PTPRK: variants seen among roughly 807,000 people sequenced by gnomAD.
The protein encoded by PTPRK is receptor-type tyrosine-protein phosphatase kappa.
In PTPRK, 75 loss-of-function variants were observed where a neutral mutation model predicts 178.0. The ratio of observed to expected loss-of-function variants is 0.42; its 90% confidence interval spans 0.35 to 0.51. The LOEUF is 0.51. Ranked by LOEUF, PTPRK falls within the 20% of genes least tolerant of loss-of-function variation. PTPRK has a pLI of 0.02. For synonymous variants in PTPRK, 637 were observed against 620.6 expected, an observed-to-expected ratio of 1.03 and a Z score of -0.39; for missense variants, 1,441 against 1,797.8, an observed-to-expected ratio of 0.80 and a Z score of 3.59.
At chr6:128,275,599 C>A (rs1007513714) in intron 3 of PTPRK, among the ~76,000 whole-genome samples, 1 of 151,904 alleles carries the variant, frequency 6.6e-6, no homozygotes, top group African/African-American at 2.4e-5. Context: ...AAACACTGAA[C>A]CAGGTGTTAA....
intron 2 of PTPRK, among the ~76,000 whole-genome samples, chr6:128,368,890 T>C (rs993615550): frequency 7.9e-5 from 12 of 151,912 alleles, no homozygotes; most frequent in Admixed American, 1.3e-4. Flanking sequence ...TCAGAGGCTA[T>C]AGAAGAATAA....
In PTPRK at chr6:128,048,823, C is replaced by T. The variant is rs141262061; in HGVS notation, c.2194+15935G>A. On this transcript the variant is annotated intron_variant, in intron 13 of 29. Coordinates refer to ENST00000368226, the MANE Select transcript of PTPRK (RefSeq NM_002844.4). ...ACTGATTTTGGTATCCTCGGGGTCC[C>T]GGGACCAGTCCTCCTTGGATACTAA... 2.7e-4 allele frequency among the ~76,000 whole-genome samples: 41 copies of T among 152,186 alleles called. No homozygotes were observed. In the East Asian group the frequency reaches 6.9e-3, roughly 26 times the overall value.
At chr6:128,450,330 A>AC (rs1847626839) in intron 1 of PTPRK, among the ~76,000 whole-genome samples, 1 of 152,198 alleles carries the variant, frequency 6.6e-6, no homozygotes, top group Non-Finnish European at 1.5e-5. Context: ...ATTAAAAACA[A>AC]ATTATCTTCT....
chr6:128,193,095 C>T (rs1804132204), intron 6 of PTPRK, among the ~76,000 whole-genome samples: 1 of 151,852 alleles, frequency 6.6e-6, no homozygotes, highest in African/African-American at 2.4e-5. Flanking sequence ...ACATTAAGCC[C>T]TTAAAAAGTA....
intron 1 of PTPRK, among the ~76,000 whole-genome samples, chr6:128,407,457 C>T (rs953019362): frequency 6.6e-6 from 1 of 151,502 alleles, no homozygotes; most frequent in South Asian, 2.1e-4. Flanking sequence ...GGCAACAAAG[C>T]GAGATCCCCA....
At chr6:128,492,526 T>G (rs1853968803) in intron 1 of PTPRK, among the ~76,000 whole-genome samples, 1 of 148,622 alleles carries the variant, frequency 6.7e-6, no homozygotes, top group Non-Finnish European at 1.5e-5. Flanking sequence ...TGAAACTTAT[T>G]TGTCTTTTAT....
At chr6:128,017,423 G>A (rs1036987291) in intron 13 of PTPRK, among the ~76,000 whole-genome samples, 2 of 151,690 alleles carry the variant, frequency 1.3e-5, no homozygotes, top group Admixed American at 6.6e-5. Flanking sequence ...TTGATTGTGA[G>A]TTAATTGCTT....
chr6:128,505,428 C>T (rs1280395224), intron 1 of PTPRK, among the ~76,000 whole-genome samples: 3 of 151,380 alleles, frequency 2.0e-5, no homozygotes, highest in Admixed American at 6.6e-5. Flanking sequence ...GCAACAAGAG[C>T]GAAACTCTGT....
intron 14 of PTPRK, chr6:128,005,978 T>A (rs566024963): frequency 1.4e-6 from 2 of 1,414,078 alleles, no homozygotes; most frequent in Non-Finnish European, 1.9e-6. Context: ...AAAGGGATAC[T>A]GCATCCTTAA....
At chr6:128,208,456 A>G (rs975855333) in intron 6 of PTPRK, among the ~76,000 whole-genome samples, 5 of 152,194 alleles carry the variant, frequency 3.3e-5, no homozygotes, top group African/African-American at 1.2e-4. Context: ...AAAGTTTTAC[A>G]AAGAAGAGGA....
intron 1 of PTPRK, among the ~76,000 whole-genome samples, chr6:128,417,852 T>C (rs912905020): frequency 6.6e-6 from 1 of 152,178 alleles, no homozygotes; most frequent in Non-Finnish European, 1.5e-5. Flanking sequence ...AACGTGGTCC[T>C]TTTCGTGTCT....
intron 2 of PTPRK, among the ~76,000 whole-genome samples, chr6:128,391,704 G>T (rs1355681902): frequency 1.3e-5 from 2 of 152,104 alleles, no homozygotes; most frequent in East Asian, 3.9e-4. Flanking sequence ...TTCCCAGAGA[G>T]AAAGAAAGCC....
intron 7 of PTPRK, among the ~76,000 whole-genome samples, chr6:128,103,036 C>T (rs1789049491): frequency 6.6e-6 from 1 of 152,166 alleles, no homozygotes; most frequent in Admixed American, 6.5e-5. Flanking sequence ...GCCTGCCATG[C>T]TGCCCTATCC....
intron 5 of PTPRK, among the ~76,000 whole-genome samples, chr6:128,229,567 G>C (rs1300496566): frequency 1.3e-5 from 2 of 152,190 alleles, no homozygotes; most frequent in Non-Finnish European, 2.9e-5. Flanking sequence ...AAAAATGACT[G>C]ATCTCACATC....
At chr6:128,053,805 T>C (rs1779456287) in intron 13 of PTPRK, among the ~76,000 whole-genome samples, 1 of 152,186 alleles carries the variant, frequency 6.6e-6, no homozygotes, top group Admixed American at 6.5e-5. Context: ...CCACTGCTGC[T>C]GCTTTCATCT....
chr6:128,398,328 A>C (rs1056462073), intron 1 of PTPRK, among the ~76,000 whole-genome samples: 4 of 152,142 alleles, frequency 2.6e-5, no homozygotes, highest in Admixed American at 6.6e-5. Flanking sequence ...GAAAACAAGG[A>C]AGTTTGCAAA....
At chr6:128,266,068 G>T (rs1818898935) in intron 3 of PTPRK, among the ~76,000 whole-genome samples, 1 of 152,134 alleles carries the variant, frequency 6.6e-6, no homozygotes, top group Non-Finnish European at 1.5e-5. Context: ...CTCCAGGACA[G>T]TGAGAAATCA....
intron 2 of PTPRK, among the ~76,000 whole-genome samples, chr6:128,353,475 A>G (rs1833472692): frequency 6.6e-6 from 1 of 152,356 alleles, no homozygotes; most frequent in African/African-American, 2.4e-5. Context: ...CCTCAATGAG[A>G]AAACAGTTAA....
At chr6:128,124,722 G>C (rs2114419497) in intron 7 of PTPRK, among the ~76,000 whole-genome samples, 1 of 151,930 alleles carries the variant, frequency 6.6e-6, no homozygotes, top group Admixed American at 6.6e-5. Context: ...TAATCATTTT[G>C]CCCTCCATAA....
Sources: gnomAD v4.1 joint callset for allele counts (sites outside exome capture counted in the v4.1 genomes callset) on GRCh38, gnomAD v4.1.1 for gene constraint, MANE v1.5 for transcripts, NCBI Gene and HGNC (gene_info 2026-07-23, HGNC 2026-07-21) for gene names.